The following COL26A1 variants were observed in gnomAD, a reference collection of about 807,000 sequenced individuals.
COL26A1 encodes collagen alpha-1(XXVI) chain.
COL26A1 carries 41 observed loss-of-function variants against 59.3 expected under a neutral mutation model. That is an observed-to-expected ratio of 0.69 (90% CI 0.54 to 0.90). The LOEUF is 0.90. Ranked by LOEUF, COL26A1 falls within the 40% of genes least tolerant of loss-of-function variation. COL26A1 has a pLI of 0.00. For missense variants in COL26A1, 612 were observed against 602.3 expected (o/e 1.02, Z -0.17); for synonymous variants, 266 against 256.0 (o/e 1.04, Z -0.37).
intron 1 of COL26A1, among the ~76,000 whole-genome samples, chr7:101,368,714 G>A (rs1260015121): frequency 2.0e-5 from 3 of 152,178 alleles, no homozygotes; most frequent in Non-Finnish European, 2.9e-5. Flanking sequence ...TTATGGGGAT[G>A]TGCTTCGTCC....
intron 1 of COL26A1, among the ~76,000 whole-genome samples, chr7:101,399,596 T>A (rs1791943468): frequency 6.6e-6 from 1 of 152,144 alleles, no homozygotes; most frequent in Non-Finnish European, 1.5e-5. Context: ...AGTGCTGGGA[T>A]TACAGGTATA....
intron 1 of COL26A1, among the ~76,000 whole-genome samples, chr7:101,398,508 C>T (rs1436671457): frequency 6.6e-6 from 1 of 152,172 alleles, no homozygotes; most frequent in Non-Finnish European, 1.5e-5. Context: ...CTTTCCCTCG[C>T]CCCAAGTCAG....
chr7:101,517,219 G>A (rs1010114132), intron 3 of COL26A1, among the ~76,000 whole-genome samples: 1 of 152,156 alleles, frequency 6.6e-6, no homozygotes, highest in Admixed American at 6.5e-5. Context: ...CCGTGTGAGC[G>A]CAGTATTCCC....
At chr7:101,392,746 A>T (rs1340434425) in intron 1 of COL26A1, among the ~76,000 whole-genome samples, 2 of 152,024 alleles carry the variant, frequency 1.3e-5, no homozygotes, top group Admixed American at 6.6e-5. Flanking sequence ...AGAAAGGGTG[A>T]CAGTCATTTG....
intron 3 of COL26A1, among the ~76,000 whole-genome samples, chr7:101,487,444 C>T (rs1794292713): frequency 6.6e-6 from 1 of 152,154 alleles, no homozygotes; most frequent in Non-Finnish European, 1.5e-5. Context: ...TGCTACCAGG[C>T]CTTCAACCAG....
intron 3 of COL26A1, among the ~76,000 whole-genome samples, chr7:101,460,568 G>A (rs1793586197): frequency 6.6e-6 from 1 of 152,072 alleles, no homozygotes; most frequent in Non-Finnish European, 1.5e-5. Flanking sequence ...GGATCACGAG[G>A]TCAAGAGTTT....
intron 8 of COL26A1, among the ~76,000 whole-genome samples, chr7:101,548,037 G>A (rs1476345047): frequency 1.3e-5 from 2 of 152,234 alleles, no homozygotes; most frequent in African/African-American, 4.8e-5. Context: ...CAAGGGAGAA[G>A]CTGGGGCGTG....
In COL26A1 at chr7:101,467,207, C is replaced by T. The variant is rs151075098; in HGVS notation, c.385+19420C>T. On this transcript the variant is annotated intron_variant, in intron 3 of 12. Transcript: ENST00000313669. ...TAAATACCTGAGGTTCATCATCTCACGCCAGGGAAATCAAAGACATGGACC... is the reference window on the plus strand; with the variant it reads ...TAAATACCTGAGGTTCATCATCTCATGCCAGGGAAATCAAAGACATGGACC... 5.4e-4 allele frequency among the ~76,000 whole-genome samples: 82 copies of T among 152,004 alleles called. 1 individual carries two copies. The highest frequency in any genetic ancestry group is 1.9e-3 in the African/African-American group (78 of 41,468).
chr7:101,429,588 A>ACTTTTTTTTTTTTTTTTTTTTTTTTT (rs1792729621), intron 2 of COL26A1, among the ~76,000 whole-genome samples: 2 of 49,892 alleles, frequency 4.0e-5, no homozygotes, highest in Non-Finnish European at 7.7e-5. Context: ...TTTCTTTTTT[A>ACTTTTTTTTTTTTTTTTTTTTTTTTT]CTTTTTTTTT....
At position 101,549,175 on chromosome 7, in the gene COL26A1, C is replaced by T. The variant is rs766095453; in HGVS notation, c.945C>T (p.Pro315=). Residue 315 remains proline, a synonymous_variant, in exon 9 of 13, where the codon CCC becomes CCT. Transcript: ENST00000313669. ...CATCTGTGACTCTGCCCACAGGTCC[C>T]CCTGGGCCTCGAGGTCCCCCAGGAC... is the stretch of plus-strand genomic sequence containing the variant. ...GPRGPPGPPG[P]PGPRGPPGPP... 1.3e-6 allele frequency: 2 copies of T among 1,597,016 alleles called. No individual in the cohort carries two copies. The highest frequency in any genetic ancestry group is 3.5e-5 in the Admixed American group (2 of 56,982).
At chr7:101,452,892 G>A (rs1026462098) in intron 3 of COL26A1, among the ~76,000 whole-genome samples, 4 of 151,968 alleles carry the variant, frequency 2.6e-5, no homozygotes, top group Non-Finnish European at 5.9e-5. Flanking sequence ...AGCCTCCCAA[G>A]TACCTGGGGT....
intron 3 of COL26A1, among the ~76,000 whole-genome samples, chr7:101,520,079 C>T (rs963549497): frequency 1.3e-5 from 2 of 152,202 alleles, no homozygotes; most frequent in Non-Finnish European, 2.9e-5. Flanking sequence ...TTACCCTCAG[C>T]CTGCAGGGAG....
chr7:101,394,563 C>A (rs535130593), intron 1 of COL26A1, among the ~76,000 whole-genome samples: 1 of 151,012 alleles, frequency 6.6e-6, no homozygotes, highest in Admixed American at 6.7e-5. Flanking sequence ...TGTACCACCA[C>A]GCCTAGCTAT....
At chr7:101,506,089 G>C (rs61572637) in intron 3 of COL26A1, among the ~76,000 whole-genome samples, 2 of 152,112 alleles carry the variant, frequency 1.3e-5, no homozygotes, top group Non-Finnish European at 2.9e-5. Context: ...CCCTCTGCCC[G>C]AATGGGGTCA....
At chr7:101,402,741 T>C (rs1436464027) in intron 1 of COL26A1, among the ~76,000 whole-genome samples, 10 of 121,158 alleles carry the variant, frequency 8.3e-5, no homozygotes, top group South Asian at 6.8e-4. Context: ...TTCCCTTCCT[T>C]CCTCCCTCCC....
intron 3 of COL26A1, among the ~76,000 whole-genome samples, chr7:101,472,417 A>G (rs1006378245): frequency 6.6e-6 from 1 of 152,182 alleles, no homozygotes; most frequent in African/African-American, 2.4e-5. Context: ...CCCTTCCACC[A>G]TAAACACCCT....
At chr7:101,511,318 A>G (rs759959265) in intron 3 of COL26A1, among the ~76,000 whole-genome samples, 32 of 152,190 alleles carry the variant, frequency 2.1e-4, no homozygotes, top group Non-Finnish European at 3.8e-4. Flanking sequence ...ACCCTTTAGA[A>G]GGCTTTGACT....
intron 3 of COL26A1, among the ~76,000 whole-genome samples, chr7:101,471,918 A>G (rs1793915570): frequency 6.6e-6 from 1 of 151,154 alleles, no homozygotes; most frequent in Admixed American, 6.6e-5. Flanking sequence ...AAGGTTTGTG[A>G]TCAGGTTGTG....
chr7:101,371,836 C>T (rs550458634), intron 1 of COL26A1, among the ~76,000 whole-genome samples: 2 of 152,056 alleles, frequency 1.3e-5, no homozygotes, highest in African/African-American at 4.8e-5. Flanking sequence ...CCTTGATGAG[C>T]TCAGAGACTG....
Sources: gnomAD v4.1 joint callset for allele counts (sites outside exome capture counted in the v4.1 genomes callset) on GRCh38, gnomAD v4.1.1 for gene constraint, MANE v1.5 for transcripts, NCBI Gene and HGNC (gene_info 2026-07-23, HGNC 2026-07-21) for gene names.